Variants in THRB observed in about 807,000 individuals in gnomAD.
The protein encoded by THRB is thyroid hormone receptor beta, also known as nuclear receptor subfamily 1 group A member 2.
In THRB, 12 loss-of-function variants were observed where a neutral mutation model predicts 47.8. The ratio of observed to expected loss-of-function variants is 0.25; its 90% CI spans 0.16 to 0.41. THRB has a LOEUF of 0.41. Among genes scored for constraint, THRB ranks in the 10% least tolerant of loss-of-function variants. The pLI, the probability that THRB is intolerant of heterozygous loss-of-function variation, is 1.00. For synonymous variants in THRB, 218 were observed against 212.2 expected (o/e 1.03, Z -0.24); for missense variants, 348 against 589.2 (o/e 0.59, Z 4.24).
intron 1 of THRB, among the ~76,000 whole-genome samples, chr3:24,411,913 C>A (rs897106451): frequency 3.3e-5 from 5 of 151,756 alleles, no homozygotes; most frequent in Admixed American, 1.3e-4. Flanking sequence ...AGCATCGGGT[C>A]ATTACTGTGG....
intron 1 of THRB, among the ~76,000 whole-genome samples, chr3:24,436,824 TA>T (rs1200751725): frequency 6.6e-6 from 1 of 152,154 alleles, no homozygotes; most frequent in Non-Finnish European, 1.5e-5. Context: ...GTGTGATATA[TA>T]ATAATGTGAA....
At chr3:24,271,211 A>C (rs534527418) in intron 3 of THRB, among the ~76,000 whole-genome samples, 2 of 152,328 alleles carry the variant, frequency 1.3e-5, no homozygotes, top group South Asian at 4.1e-4. Flanking sequence ...AAAATCAAAC[A>C]ACCATTTGTT....
At chr3:24,131,542 T>A (rs1323884987) in intron 9 of THRB, among the ~76,000 whole-genome samples, 2 of 152,184 alleles carry the variant, frequency 1.3e-5, no homozygotes, top group African/African-American at 4.8e-5. Flanking sequence ...AGACTGAATG[T>A]CTGTATCCCT....
intron 5 of THRB, among the ~76,000 whole-genome samples, chr3:24,186,732 GC>G (rs2042613660): frequency 6.6e-6 from 1 of 152,078 alleles, no homozygotes. Context: ...GATCACCTGA[GC>G]TCAGGAGTTT....
chr3:24,425,210 A>T (rs1368922957), intron 1 of THRB, among the ~76,000 whole-genome samples: 1 of 151,660 alleles, frequency 6.6e-6, no homozygotes, highest in East Asian at 1.9e-4. Flanking sequence ...AATTGTCCTT[A>T]AAAAAAACTG....
chr3:24,357,375 C>CCAA (rs2063757106), intron 1 of THRB, among the ~76,000 whole-genome samples: 1 of 72,900 alleles, frequency 1.4e-5, no homozygotes, highest in African/African-American at 4.5e-5. Flanking sequence ...AAAAAAAAAA[C>CCAA]AAAAAACAAA....
intron 2 of THRB, chr3:24,318,387 C>T (rs547858255): frequency 6.6e-6 from 1 of 152,394 alleles, no homozygotes; most frequent in Non-Finnish European, 1.5e-5. Flanking sequence ...AGCTGCCTTG[C>T]CTGGGATGCC....
At position 24,127,756 on chromosome 3, in the gene THRB, A is replaced by T. The variant is rs1429268589; in HGVS notation, c.887T>A (p.Leu296Gln). 1 of 1,614,240 alleles carries T rather than the reference A, an allele frequency of 6.2e-7. No individual in the cohort carries two copies. Among genetic ancestry groups the T allele is most frequent in the Non-Finnish European group, 8.5e-7 (1 of 1,180,034 alleles). The change falls in exon 10 of 11, where the codon CTG (leucine) becomes CAG (glutamine). Residue 296 changes from leucine (L) to glutamine (Q), a missense_variant and splice_region_variant. Transcript: ENST00000646209. ...GAGGATGATCTGGTCTTCACATGGC[A>T]GCTGAAAAGAACCAGTTCATGTCAG... ...FAKKLPMFCE[L>Q]PCEDQIILLK...
At chr3:24,356,770 T>G (rs1321210784) in intron 1 of THRB, among the ~76,000 whole-genome samples, 2 of 152,120 alleles carry the variant, frequency 1.3e-5, no homozygotes, top group Non-Finnish European at 2.9e-5. Flanking sequence ...AAAACCATTT[T>G]CTATACACTG....
At chr3:24,481,598 A>C (rs1696429017) in intron 1 of THRB, among the ~76,000 whole-genome samples, 1 of 151,978 alleles carries the variant, frequency 6.6e-6, no homozygotes, top group African/African-American at 2.4e-5. Flanking sequence ...AGAAATATAG[A>C]TATATAGCAA....
intron 1 of THRB, among the ~76,000 whole-genome samples, chr3:24,478,499 A>G (rs1424335372): frequency 6.6e-6 from 1 of 152,250 alleles, no homozygotes; most frequent in African/African-American, 2.4e-5. Context: ...ACCTTTAAAA[A>G]GGAGGCAGAA....
At chr3:24,253,050 A>G (rs2050825704) in intron 3 of THRB, among the ~76,000 whole-genome samples, 2 of 152,224 alleles carry the variant, frequency 1.3e-5, no homozygotes, top group African/African-American at 4.8e-5. Flanking sequence ...ATACAATACA[A>G]TACAGTGAAT....
chr3:24,145,162 G>A (rs2035931196), intron 7 of THRB, among the ~76,000 whole-genome samples: 1 of 151,274 alleles, frequency 6.6e-6, no homozygotes, highest in South Asian at 2.1e-4. Flanking sequence ...GGTGTGCCAG[G>A]GACTGTTGTA....
intron 1 of THRB, among the ~76,000 whole-genome samples, chr3:24,337,779 A>G (rs2062358294): frequency 6.6e-6 from 1 of 152,198 alleles, no homozygotes; most frequent in African/African-American, 2.4e-5. Flanking sequence ...GGTTCCTGGA[A>G]TAGGTCTCAA....
intron 5 of THRB, among the ~76,000 whole-genome samples, chr3:24,156,682 G>T (rs909749928): frequency 6.6e-6 from 1 of 152,200 alleles, no homozygotes; most frequent in Non-Finnish European, 1.5e-5. Context: ...GAGCCAGTAG[G>T]TATCTGATCT....
intron 1 of THRB, among the ~76,000 whole-genome samples, chr3:24,404,288 T>G (rs902796075): frequency 1.3e-5 from 2 of 151,946 alleles, no homozygotes; most frequent in Admixed American, 1.3e-4. Context: ...TGTAACAGGG[T>G]ACAAAAAGTT....
intron 5 of THRB, among the ~76,000 whole-genome samples, chr3:24,155,245 T>C (rs2037636607): frequency 6.6e-6 from 1 of 152,212 alleles, no homozygotes; most frequent in Non-Finnish European, 1.5e-5. Context: ...TGCTTTACTC[T>C]CTTATTTCTC....
At chr3:24,219,386 A>G (rs2149981405) in intron 4 of THRB, among the ~76,000 whole-genome samples, 1 of 152,364 alleles carries the variant, frequency 6.6e-6, no homozygotes, top group South Asian at 2.1e-4. Context: ...TGACTGTTCC[A>G]TTACTTCAAT....
intron 1 of THRB, among the ~76,000 whole-genome samples, chr3:24,485,005 T>C (rs1254992003): frequency 6.6e-6 from 1 of 152,220 alleles, no homozygotes; most frequent in Non-Finnish European, 1.5e-5. Flanking sequence ...CCATTTCTAA[T>C]CTGGATCATT....
Sources: allele counts gnomAD v4.1 joint callset (sites outside exome capture counted in the v4.1 genomes callset), GRCh38; gene constraint gnomAD v4.1.1; transcripts MANE v1.5; gene names NCBI Gene and HGNC (gene_info 2026-07-23, HGNC 2026-07-21).